The following TMEM74 variants were observed in gnomAD, a reference collection of about 807,000 sequenced individuals.
TMEM74 encodes the protein transmembrane protein 74.
In TMEM74, 13 loss-of-function variants were observed where a neutral mutation model predicts 18.1. The ratio of observed to expected loss-of-function variants is 0.72; its 90% CI spans 0.47 to 1.14. TMEM74 has a LOEUF of 1.14. Among genes scored for constraint, TMEM74 ranks in the 50% most tolerant of loss-of-function variants. TMEM74 has a pLI of 0.00. For synonymous variants in TMEM74, 159 were observed against 146.6 expected (o/e 1.08, Z -0.61); for missense variants, 372 against 375.9 (o/e 0.99, Z 0.09).
chr8:108,753,688 A>G (rs950313735), intron 1 of TMEM74, among the ~76,000 whole-genome samples: 14 of 152,044 alleles, frequency 9.2e-5, no homozygotes, highest in Non-Finnish European at 1.3e-4. Flanking sequence ...ATCTCCATTT[A>G]GGAGCTTATT....
chr8:108,759,112 T>A (rs1408612096), intron 1 of TMEM74, among the ~76,000 whole-genome samples: 3 of 152,048 alleles, frequency 2.0e-5, no homozygotes, highest in African/African-American at 7.2e-5. Flanking sequence ...ATTGTGGGAA[T>A]AATAAATTTA....
At chr8:108,775,473 C>A (rs1453281463), downstream of TMEM74, among the ~76,000 whole-genome samples, 1 of 152,184 alleles carries the variant, frequency 6.6e-6, no homozygotes. Context: ...ATTTCCCTTA[C>A]AAACTTAGGC....
At chr8:108,615,548 C>T (rs936680204) in intron 2 of TMEM74, among the ~76,000 whole-genome samples, 8 of 152,076 alleles carry the variant, frequency 5.3e-5, no homozygotes, top group Admixed American at 4.6e-4. Flanking sequence ...AGGTGGCATT[C>T]CCCAGTAGGA....
At position 108,631,000 on chromosome 8, in the gene TMEM74, G is replaced by A. The variant is rs1040639139; in HGVS notation, n.265-22174C>T. On this transcript the variant is annotated intron_variant and non_coding_transcript_variant, in intron 2 of 3. Coordinates refer to the TMEM74 transcript ENST00000518838. Reference sequence around the variant, plus strand: ...ACATACACCTACACTCACTCATACCGGGACCAAATAGACATGGAAATTCAC... The same window carrying A: ...ACATACACCTACACTCACTCATACCAGGACCAAATAGACATGGAAATTCAC... Among the ~76,000 whole-genome samples, 6 of 151,872 alleles carry A rather than the reference G, an allele frequency of 4.0e-5. No individual in the cohort carries two copies. In the South Asian group the frequency reaches 6.2e-4, roughly 16 times the overall value.
rs190497774 is a variant in TMEM74 at position 108,631,170 on chromosome 8, C to A, written n.265-22344G>T. ...TGTTGTTATCATGAATAGTATTGAA[C>A]AAGACTACCAGGTTATTCCAGGACG... On this transcript the variant is annotated intron_variant and non_coding_transcript_variant, in intron 2 of 3. Coordinates refer to the TMEM74 transcript ENST00000518838. Among the ~76,000 whole-genome samples, 671 of 151,966 alleles carry A rather than the reference C, an allele frequency of 4.4e-3. 2 individuals are homozygous for A. Among genetic ancestry groups the A allele is most frequent in the Non-Finnish European group, 5.9e-3 (402 of 67,910 alleles).
At chr8:108,684,816 C>T (rs1029320026) in intron 1 of TMEM74, among the ~76,000 whole-genome samples, 3 of 151,752 alleles carry the variant, frequency 2.0e-5, no homozygotes, top group East Asian at 1.9e-4. Context: ...ATGCCAGTAC[C>T]ATGCTGTTAT....
intron 1 of TMEM74, among the ~76,000 whole-genome samples, chr8:108,701,292 T>C (rs528750041): frequency 1.3e-5 from 2 of 151,800 alleles, no homozygotes; most frequent in Non-Finnish European, 2.9e-5. Context: ...GCTAACACCA[T>C]ACTCAATAGT....
At chr8:108,738,090 A>G (rs1813765838) in intron 1 of TMEM74, among the ~76,000 whole-genome samples, 1 of 151,960 alleles carries the variant, frequency 6.6e-6, no homozygotes, top group East Asian at 1.9e-4. Flanking sequence ...TCTTTTCATT[A>G]CCTTTCCACC....
intron 2 of TMEM74, among the ~76,000 whole-genome samples, chr8:108,610,125 C>T (rs1166964190): frequency 6.6e-6 from 1 of 152,146 alleles, no homozygotes; most frequent in Non-Finnish European, 1.5e-5. Context: ...ACCTAGGAAC[C>T]TGCATTTTCA....
At chr8:108,762,852 G>A (rs557163626) in intron 1 of TMEM74, among the ~76,000 whole-genome samples, 12 of 152,192 alleles carry the variant, frequency 7.9e-5, no homozygotes, top group East Asian at 7.8e-4. Flanking sequence ...GCCAGGCCGG[G>A]CAATGAAGTG....
At chr8:108,676,933 A>G (rs1367212175) in intron 1 of TMEM74, among the ~76,000 whole-genome samples, 2 of 152,252 alleles carry the variant, frequency 1.3e-5, no homozygotes, top group Non-Finnish European at 2.9e-5. Flanking sequence ...CTTGACTTAG[A>G]AAGTCTTATA....
chr8:108,616,800 A>G (rs1812388296), intron 2 of TMEM74, among the ~76,000 whole-genome samples: 1 of 152,044 alleles, frequency 6.6e-6, no homozygotes. Flanking sequence ...TTGCTCTATG[A>G]TGTAGCACTA....
At chr8:108,609,663 T>A (rs1050277947) in intron 2 of TMEM74, among the ~76,000 whole-genome samples, 1 of 152,098 alleles carries the variant, frequency 6.6e-6, no homozygotes, top group Non-Finnish European at 1.5e-5. Flanking sequence ...AGCTTGGACA[T>A]GATAGATGTT....
intron 1 of TMEM74, among the ~76,000 whole-genome samples, chr8:108,772,779 A>C (rs888590769): frequency 3.3e-5 from 5 of 152,128 alleles, no homozygotes; most frequent in African/African-American, 9.7e-5. Context: ...AAGTGATTTG[A>C]ATCCCAATTC....
chr8:108,647,228 G>C (rs1354621289), intron 2 of TMEM74, among the ~76,000 whole-genome samples: 1 of 152,098 alleles, frequency 6.6e-6, no homozygotes. Context: ...AAATACCTCA[G>C]CTTTTATTTT....
In TMEM74 at chr8:108,739,682, A is replaced by T. The variant is rs76924611; in HGVS notation, n.119+47794T>A. Among the ~76,000 whole-genome samples the T allele has an allele frequency of 7.9e-4, 121 of 152,220 alleles. No homozygotes were observed. In the East Asian group the frequency reaches 0.021, roughly 26 times the overall value. The stretch of plus-strand genomic sequence containing the variant: ...TGTGATTTTATGTCAGAAGATGAAT[A>T]AGGCTGAAGTTTTGACTGGTCTGGA... On this transcript the variant is annotated intron_variant and non_coding_transcript_variant, in intron 1 of 3. Transcript: ENST00000518838.
chr8:108,630,224 C>A (rs987814973), intron 2 of TMEM74, among the ~76,000 whole-genome samples: 1 of 151,930 alleles, frequency 6.6e-6, no homozygotes, highest in Admixed American at 6.6e-5. Flanking sequence ...CAACAAAGAT[C>A]AAAATGACAA....
chr8:108,773,669 C>G (rs1237518214), intron 1 of TMEM74, among the ~76,000 whole-genome samples: 1 of 152,036 alleles, frequency 6.6e-6, no homozygotes, highest in Non-Finnish European at 1.5e-5. Flanking sequence ...CTCAGGGGAC[C>G]CAGCAGCCTT....
In TMEM74 at chr8:108,607,455, T is replaced by G. The variant is rs534625396; in HGVS notation, n.650A>C. On this transcript the variant is annotated non_coding_transcript_exon_variant, in exon 4 of 4. Coordinates refer to the TMEM74 transcript ENST00000518838. ...TAAACAAACATATAGACTAACATTTTATTAAGAGAATCTGCGCAATTAGAT... is the reference window on the plus strand; with the variant it reads ...TAAACAAACATATAGACTAACATTTGATTAAGAGAATCTGCGCAATTAGAT... 2.6e-5 allele frequency: 4 copies of G among 152,348 alleles called. No homozygotes were observed. The East Asian group carries it at 7.7e-4, about 29-fold the overall frequency. The allele number at this position is 152,348 out of a possible 1,614,324, so 9.4% of individuals were successfully genotyped here.
Sources: gnomAD v4.1 joint callset for allele counts (sites outside exome capture counted in the v4.1 genomes callset) on GRCh38, gnomAD v4.1.1 for gene constraint, MANE v1.5 for transcripts, NCBI Gene and HGNC (gene_info 2026-07-23, HGNC 2026-07-21) for gene names.